Variants in CFAP47 observed in about 807,000 individuals in gnomAD.
CFAP47 encodes the protein cilia- and flagella-associated protein 47.
Under a neutral mutation model 148.1 loss-of-function variants are expected in CFAP47, and 29 were observed. That is an observed-to-expected ratio of 0.20 (90% CI 0.15 to 0.27). CFAP47 has a LOEUF of 0.27. CFAP47 is among the 10% of genes least tolerant of loss of function. The probability of loss-of-function intolerance (pLI) is 1.00; values close to 1 mark genes in which losing one functional copy is unlikely to be tolerated. For missense variants in CFAP47, 1,872 were observed against 1,697.5 expected (o/e 1.10, Z -1.81); for synonymous variants, 664 against 577.3 (o/e 1.15, Z -2.15).
intron 21 of CFAP47, among the ~76,000 whole-genome samples, chrX:36,008,959 A>G (rs750845580): frequency 9.1e-6 from 1 of 110,429 alleles, no homozygotes; most frequent in Non-Finnish European, 1.9e-5. Flanking sequence ...TACCCTACTC[A>G]TCTCATTTTC....
chrX:36,267,104 AG>A (rs1317738072), intron 49 of CFAP47, among the ~76,000 whole-genome samples: 3 of 112,244 alleles, frequency 2.7e-5, no homozygotes, highest in Non-Finnish European at 5.6e-5. Flanking sequence ...ATAGTACCAC[AG>A]GAACAGTTGA....
chrX:36,228,764 A>G lies in CFAP47; in HGVS notation c.6954A>G (p.Pro2318=), dbSNP rs1940300847. The change falls in exon 46 of 64, where the codon CCA becomes CCG. Residue 2318 remains proline (P), a synonymous_variant. Transcript: ENST00000378653. The part of the protein sequence containing the change: ...YVEGIVNEEQ[P]EAKFEFETPA... ...AAGGTATTGTGAATGAAGAACAACCAGAGGCCAAATTTGAGTTTGAAACAC... is the reference window on the plus strand; with the variant it reads ...AAGGTATTGTGAATGAAGAACAACCGGAGGCCAAATTTGAGTTTGAAACAC... 1.9e-6 allele frequency: 1 copy of G among 525,273 alleles called. No homozygotes were observed. The highest frequency in any genetic ancestry group is 3.6e-5 in the East Asian group (1 of 27,679). The allele number at this position is 525,273 out of a possible 1,213,427, so 43.3% of individuals were successfully genotyped here. A position where few individuals can be genotyped will look rare whatever the true frequency, so the allele number is the denominator to read the frequency against.
intron 1 of CFAP47, among the ~76,000 whole-genome samples, chrX:35,924,542 C>T (rs972922557): frequency 9.7e-6 from 1 of 103,117 alleles, no homozygotes; most frequent in Non-Finnish European, 2.0e-5. Flanking sequence ...TATATGTGCA[C>T]CTATATGTGT....
Position 36,299,096 on chromosome X carries a change from G to C in CFAP47, c.7806G>C (p.Gln2602His). The C allele has an allele frequency of 8.9e-7, 1 of 1,127,262 alleles. No homozygotes were observed. The highest frequency in any genetic ancestry group is 1.2e-6 in the Non-Finnish European group (1 of 844,671). 92.9% of individuals were successfully genotyped at this position (1,127,262 alleles called of 1,213,427 possible). A position where few individuals can be genotyped will look rare whatever the true frequency, so the allele number is the denominator to read the frequency against. Reference sequence around the variant, plus strand: ...ATGAAATTATCCTGAGTCCACTACAGTGCACCAAATATATTGTATGGTATT... The same window carrying C: ...ATGAAATTATCCTGAGTCCACTACACTGCACCAAATATATTGTATGGTATT... ...GDNEIILSPL[Q>H]CTKYIVWYSP... is the part of the protein sequence containing the mutation. The change falls in exon 52 of 64, where the codon CAG (glutamine) becomes CAC (histidine). Residue 2602 changes from glutamine to histidine, a missense_variant. By Grantham distance (24) the Gln-to-His change is conservative (BLOSUM62 0). Coordinates refer to ENST00000378653, the MANE Select transcript of CFAP47 (RefSeq NM_001304548.2).
intron 3 of CFAP47, among the ~76,000 whole-genome samples, chrX:35,946,013 C>T (rs939220220): frequency 9.2e-5 from 10 of 108,614 alleles, no homozygotes; most frequent in Admixed American, 8.0e-4. Context: ...GCTGGGATTA[C>T]AGGTGTGCGC....
intron 51 of CFAP47, among the ~76,000 whole-genome samples, chrX:36,295,220 G>A (rs782168354): frequency 8.9e-6 from 1 of 112,273 alleles, no homozygotes; most frequent in Non-Finnish European, 1.9e-5. Context: ...TTTTACTTGA[G>A]TTTCAAGAAA....
Position 35,975,889 on chromosome X carries a change from G to A in CFAP47, c.2689G>A (p.Ala897Thr). Reference protein sequence around the residue: ...WQPVNTGRGIAFSICPAKGTV... With the variant: ...WQPVNTGRGITFSICPAKGTV... ...ACCCGTAAACACAGGAAGAGGGATA[G>A]CATTTTCTATTTGTCCAGCTAAAGG... is the stretch of plus-strand genomic sequence containing the variant. The change falls in exon 15 of 64, where the codon GCA becomes ACA. Residue 897 changes from alanine (A) to threonine (T), a missense_variant. Transcript: ENST00000378653. 2 of 1,210,409 alleles carry A rather than the reference G, an allele frequency of 1.7e-6. No homozygotes were observed. Among genetic ancestry groups the A allele is most frequent in the South Asian group, 3.5e-5 (2 of 56,933 alleles).
chrX:35,924,324 T>C (rs1935680615), intron 1 of CFAP47, among the ~76,000 whole-genome samples: 1 of 106,717 alleles, frequency 9.4e-6, no homozygotes, highest in Non-Finnish European at 1.9e-5. Flanking sequence ...TACATGTATG[T>C]GTATATGTGT....
At chrX:36,231,921 A>G (rs782119536) in intron 46 of CFAP47, among the ~76,000 whole-genome samples, 1 of 111,097 alleles carries the variant, frequency 9.0e-6, no homozygotes, top group African/African-American at 3.3e-5. Flanking sequence ...ACATTTATTG[A>G]TTTGCGTATA....
At position 35,960,380 on chromosome X, in the gene CFAP47, G is replaced by GAAAAAAAAAAAAAAAA. The variant is rs1188987905; in HGVS notation, c.1410+4196_1410+4211dup. Among the ~76,000 whole-genome samples the GAAAAAAAAAAAAAAAA allele has an allele frequency of 1.1e-3, 17 of 15,482 alleles. 5 individuals are homozygous for GAAAAAAAAAAAAAAAA. Among genetic ancestry groups the GAAAAAAAAAAAAAAAA allele is most frequent in the African/African-American group, 3.9e-3 (15 of 3,814 alleles). 13.4% of individuals were successfully genotyped at this position (15,482 alleles called of 115,157 possible). On this transcript the variant is annotated intron_variant, in intron 8 of 63. Transcript: ENST00000378653. ...CTTTAACATTAGCTTGCTAATTTCT[G>GAAAAAAAAAAAAAAAA]AAAAAAAAAAAAAAAAAAAAAAAAA...
At chrX:36,364,943 T>TAC (rs1556019960) in intron 61 of CFAP47, among the ~76,000 whole-genome samples, 170 of 73,509 alleles carry the variant, frequency 2.3e-3, no homozygotes, top group Non-Finnish European at 2.8e-3. Context: ...TATATATATA[T>TAC]ACACACACAC....
chrX:36,221,221 C>G (rs1227566708), intron 45 of CFAP47, among the ~76,000 whole-genome samples: 3 of 110,865 alleles, frequency 2.7e-5, no homozygotes, highest in Non-Finnish European at 5.7e-5. Flanking sequence ...TCGGGTGTTA[C>G]CAAAACAAAG....
intron 1 of CFAP47, among the ~76,000 whole-genome samples, chrX:35,922,705 T>C (rs1197673382): frequency 8.9e-6 from 1 of 112,519 alleles, no homozygotes; most frequent in South Asian, 3.6e-4. Flanking sequence ...CCCAGATCAG[T>C]GTTACTTCCA....
At chrX:36,138,871 T>A (rs1939092313) in intron 35 of CFAP47, among the ~76,000 whole-genome samples, 1 of 111,377 alleles carries the variant, frequency 9.0e-6, no homozygotes, top group Admixed American at 9.6e-5. Context: ...GTTTGTATAG[T>A]GGTCATAATG....
At chrX:36,379,032 C>T (rs1256321506) in intron 62 of CFAP47, among the ~76,000 whole-genome samples, 1 of 110,003 alleles carries the variant, frequency 9.1e-6, no homozygotes, top group East Asian at 2.9e-4. Flanking sequence ...GGCTGGTCTC[C>T]AACTCCTGAC....
At chrX:36,221,791 A>T (rs1011081105) in intron 45 of CFAP47, among the ~76,000 whole-genome samples, 5 of 111,360 alleles carry the variant, frequency 4.5e-5, no homozygotes, top group Non-Finnish European at 9.4e-5. Flanking sequence ...GAAATTATTT[A>T]TACCTGAACA....
chrX:36,164,577 C>T (rs1939467516), intron 39 of CFAP47, among the ~76,000 whole-genome samples: 1 of 111,319 alleles, frequency 9.0e-6, no homozygotes, highest in African/African-American at 3.3e-5. Context: ...CTTTATATAG[C>T]ATATGGTCAG....
intron 55 of CFAP47, among the ~76,000 whole-genome samples, chrX:36,310,502 G>A (rs1413692208): frequency 1.2e-5 from 1 of 80,293 alleles, no homozygotes; most frequent in Non-Finnish European, 2.1e-5. Flanking sequence ...TATCAAGTTT[G>A]TTAAAAAAAA....
In CFAP47 at chrX:36,371,916, A is replaced by G. The variant is rs1213229994; in HGVS notation, c.9185+4789A>G. On this transcript the variant is annotated intron_variant, in intron 62 of 63. Transcript: ENST00000378653. ...TACACACATGTGTATATATGTGTGTATATATGTGTATATACACACATGTGT... is the reference window on the plus strand; with the variant it reads ...TACACACATGTGTATATATGTGTGTGTATATGTGTATATACACACATGTGT... Among the ~76,000 whole-genome samples the G allele has an allele frequency of 2.2e-4, 12 of 54,237 alleles. 1 individual carries two copies. Among genetic ancestry groups the G allele is most frequent in the East Asian group, 1.8e-3 (3 of 1,708 alleles). The allele number at this position is 54,237 out of a possible 115,157, so 47.1% of individuals were successfully genotyped here.
Sources: allele counts gnomAD v4.1 joint callset (sites outside exome capture counted in the v4.1 genomes callset), GRCh38; gene constraint gnomAD v4.1.1; transcripts MANE v1.5; gene names NCBI Gene and HGNC (gene_info 2026-07-23, HGNC 2026-07-21).